UBE2E2: variants seen among roughly 807,000 people sequenced by gnomAD.
UBE2E2 encodes the protein ubiquitin-conjugating enzyme E2 E2.
UBE2E2 carries 6 observed loss-of-function variants against 24.7 expected under a neutral mutation model. The observed-to-expected ratio is 0.24, with a 90% CI of 0.13 to 0.48. The LOEUF (loss-of-function observed/expected upper bound fraction) is 0.48, where lower values mean the gene tolerates loss of function less well. Ranked by LOEUF, UBE2E2 falls within the 20% of genes least tolerant of loss-of-function variation. The pLI, the probability that UBE2E2 is intolerant of heterozygous loss-of-function variation, is 0.99. For synonymous variants in UBE2E2, 104 were observed against 83.6 expected (o/e 1.24, Z -1.33); for missense variants, 169 against 245.0 (o/e 0.69, Z 2.07).
At chr3:23,276,722 A>G (rs928817490) in intron 3 of UBE2E2, among the ~76,000 whole-genome samples, 3 of 152,094 alleles carry the variant, frequency 2.0e-5, no homozygotes, top group Admixed American at 6.5e-5. Flanking sequence ...TTTATAAAAA[A>G]TAAAATAGAA....
intron 3 of UBE2E2, among the ~76,000 whole-genome samples, chr3:23,233,331 T>A (rs1697019295): frequency 6.6e-6 from 1 of 152,180 alleles, no homozygotes; most frequent in Admixed American, 6.5e-5. Flanking sequence ...TGCTCTGTAA[T>A]AGCACGGTTC....
At chr3:23,309,552 G>C (rs1003969307) in intron 3 of UBE2E2, among the ~76,000 whole-genome samples, 8 of 152,134 alleles carry the variant, frequency 5.3e-5, no homozygotes, top group Admixed American at 2.6e-4. Context: ...AGGAATTGAG[G>C]CATAGGCTGT....
At chr3:23,479,967 C>A (rs1313788978) in intron 3 of UBE2E2, among the ~76,000 whole-genome samples, 1 of 152,190 alleles carries the variant, frequency 6.6e-6, no homozygotes, top group Admixed American at 6.5e-5. Flanking sequence ...TCACTCCAGG[C>A]TGCAGACTTT....
chr3:23,457,168 A>G (rs553715801), intron 3 of UBE2E2, among the ~76,000 whole-genome samples: 2 of 152,150 alleles, frequency 1.3e-5, no homozygotes, highest in African/African-American at 2.4e-5. Flanking sequence ...TGATGCTTCT[A>G]TATATGCTGC....
chr3:23,436,403 G>T (rs1219136130), intron 3 of UBE2E2, among the ~76,000 whole-genome samples: 2 of 151,970 alleles, frequency 1.3e-5, no homozygotes, highest in African/African-American at 2.4e-5. Context: ...GCTTTCACTG[G>T]GCATTTCTTA....
At chr3:23,233,307 A>C (rs2125333064) in intron 3 of UBE2E2, among the ~76,000 whole-genome samples, 1 of 152,324 alleles carries the variant, frequency 6.6e-6, no homozygotes, top group Non-Finnish European at 1.5e-5. Context: ...GCTGTTGTAC[A>C]TCACTTCAGT....
chr3:23,285,090 T>C (rs181806331), intron 3 of UBE2E2, among the ~76,000 whole-genome samples: 5 of 152,192 alleles, frequency 3.3e-5, no homozygotes, highest in Admixed American at 3.3e-4. Flanking sequence ...ACTCAATTGT[T>C]TAATTTTTAG....
chr3:23,271,240 C>T (rs2125363019), intron 3 of UBE2E2: 1 of 353,920 alleles, frequency 2.8e-6, no homozygotes, highest in Non-Finnish European at 5.5e-6. Context: ...TGTTACAGTT[C>T]TTAAAGATGG....
intron 3 of UBE2E2, among the ~76,000 whole-genome samples, chr3:23,488,959 C>T (rs909628740): frequency 7.9e-5 from 12 of 152,166 alleles, no homozygotes; most frequent in African/African-American, 2.7e-4. Context: ...GAAAAATATA[C>T]TCAGATGCTC....
chr3:23,398,312 CA>C (rs35646138), intron 3 of UBE2E2, among the ~76,000 whole-genome samples: 6 of 109,728 alleles, frequency 5.5e-5, no homozygotes, highest in South Asian at 3.1e-4. Flanking sequence ...GACTCCATCT[CA>C]AAAAAAAAAA....
chr3:23,460,589 A>G (rs980557645), intron 3 of UBE2E2, among the ~76,000 whole-genome samples: 4 of 152,224 alleles, frequency 2.6e-5, no homozygotes, highest in African/African-American at 7.2e-5. Context: ...CCGATAATAT[A>G]AAGTGGAAAG....
At position 23,589,390 on chromosome 3, in the gene UBE2E2, T is replaced by A. The variant is rs1452710490; in HGVS notation, c.509-344T>A. 6.6e-6 allele frequency among the ~76,000 whole-genome samples: 1 copy of A among 150,710 alleles called. No homozygotes were observed. The highest frequency in any genetic ancestry group is 2.4e-5 in the African/African-American group (1 of 40,852). ...CTGAGCTGTGATCATGCCACTGCAC[T>A]CTAGCCTGAGTGACAGAGCAACACC... is the stretch of plus-strand genomic sequence containing the variant. On this transcript the variant is annotated intron_variant, in intron 5 of 5. Coordinates refer to ENST00000396703, the MANE Select transcript of UBE2E2 (RefSeq NM_152653.4). This position sits in a 1 kb window ranked among gnomAD's most constrained non-coding sequence, Gnocchi z 4.1.
At chr3:23,313,834 TTTCCTGCC>T (rs1419007368) in intron 3 of UBE2E2, among the ~76,000 whole-genome samples, 1 of 152,164 alleles carries the variant, frequency 6.6e-6, no homozygotes. Context: ...CTCTTCCTTC[TTTCCTGCC>T]TTCCTGCCTT....
At chr3:23,585,025 G>C (rs1412403159) in intron 5 of UBE2E2, among the ~76,000 whole-genome samples, 2 of 152,134 alleles carry the variant, frequency 1.3e-5, no homozygotes, top group Non-Finnish European at 2.9e-5. Context: ...CAGTGATCTT[G>C]CAGTCTTACG....
chr3:23,269,400 T>G (rs1275976780), intron 3 of UBE2E2, among the ~76,000 whole-genome samples: 2 of 152,258 alleles, frequency 1.3e-5, no homozygotes, highest in East Asian at 3.9e-4. Context: ...CGTTAAAAGC[T>G]AAACTCCAAA....
chr3:23,548,538 T>C (rs1695572390), intron 5 of UBE2E2, among the ~76,000 whole-genome samples: 1 of 152,202 alleles, frequency 6.6e-6, no homozygotes, highest in African/African-American at 2.4e-5. Context: ...AGCACTTACT[T>C]ACTTCTTTAA....
chr3:23,297,248 A>G (rs1281355363), intron 3 of UBE2E2, among the ~76,000 whole-genome samples: 13 of 151,816 alleles, frequency 8.6e-5, no homozygotes, highest in Non-Finnish European at 1.5e-4. Flanking sequence ...ATTTTCTCCC[A>G]TTCTGTAGGT....
rs183699213 is a variant in UBE2E2 at position 23,469,741 on chromosome 3, A to T, written c.228-29867A>T. Among the ~76,000 whole-genome samples the T allele has an allele frequency of 2.5e-4, 38 of 152,338 alleles. No homozygotes were observed. The East Asian group carries it at 3.7e-3, about 15-fold the overall frequency. ...CAAGTTCAAAGAGAATATAACATTGATTCACTGCATTTCTCAGTGAAGGAT... is the reference window on the plus strand; with the variant it reads ...CAAGTTCAAAGAGAATATAACATTGTTTCACTGCATTTCTCAGTGAAGGAT... On this transcript the variant is annotated intron_variant, in intron 3 of 5. Coordinates refer to ENST00000396703, the MANE Select transcript of UBE2E2 (RefSeq NM_152653.4).
chr3:23,286,984 A>G (rs1698629515), intron 3 of UBE2E2, among the ~76,000 whole-genome samples: 1 of 152,098 alleles, frequency 6.6e-6, no homozygotes. Flanking sequence ...ATAGTGGTGA[A>G]AGTGGGTATC....
Sources: allele counts gnomAD v4.1 joint callset (sites outside exome capture counted in the v4.1 genomes callset), GRCh38; gene constraint gnomAD v4.1.1; non-coding constraint Gnocchi (gnomAD v3.1); transcripts MANE v1.5; gene names NCBI Gene and HGNC (gene_info 2026-07-23, HGNC 2026-07-21).